LINGO2: variants seen among roughly 807,000 people sequenced by gnomAD.
The protein encoded by LINGO2 is leucine-rich repeat and immunoglobulin-like domain-containing nogo receptor-interacting protein 2.
Under a neutral mutation model 30.6 loss-of-function variants are expected in LINGO2, and 14 were observed. The observed-to-expected ratio is 0.46, with a 90% CI of 0.30 to 0.72. The LOEUF (loss-of-function observed/expected upper bound fraction) is 0.72, where lower values mean the gene tolerates loss of function less well. LINGO2 is among the 30% of genes least tolerant of loss of function. The probability of loss-of-function intolerance (pLI) is 0.07; values close to 1 mark genes in which losing one functional copy is unlikely to be tolerated. For synonymous variants in LINGO2, 317 were observed against 288.5 expected (o/e 1.10, Z -1.00); for missense variants, 729 against 751.7 (o/e 0.97, Z 0.35).
the LINGO2 span, among the ~76,000 whole-genome samples, chr9:29,092,698 ATTTCTGT>A: frequency 3.6e-5 from 5 of 137,424 alleles, 1 homozygote; most frequent in Admixed American, 7.5e-5. Context: ...CCAACAGAGC[ATTTCTGT>A]TAGCATTTAA....
chr9:28,226,639 GAAGGAAAGAAAGAAAGAA>G (rs1821162851), intron 4 of LINGO2, among the ~76,000 whole-genome samples: 2 of 54,886 alleles, frequency 3.6e-5, no homozygotes, highest in South Asian at 8.7e-4. Context: ...AAGAAGGAAA[GAAGGAAAGAAAGAAAGAA>G]AGAAAGAAAG....
At chr9:29,062,535 C>T in the LINGO2 span, among the ~76,000 whole-genome samples, 1 of 151,988 alleles carries the variant, frequency 6.6e-6, no homozygotes, top group East Asian at 1.9e-4. Flanking sequence ...TGACATGTGG[C>T]AACAGGATGA....
the LINGO2 span, among the ~76,000 whole-genome samples, chr9:28,937,144 C>A: frequency 6.6e-6 from 1 of 152,082 alleles, no homozygotes; most frequent in Non-Finnish European, 1.5e-5. Flanking sequence ...CCATAATCTA[C>A]CCTCTGGTCC....
At chr9:28,777,339 C>G in the LINGO2 span, among the ~76,000 whole-genome samples, 3 of 152,126 alleles carry the variant, frequency 2.0e-5, no homozygotes, top group African/African-American at 7.2e-5. Context: ...AACAATACCT[C>G]TAAAACTGAA....
rs61645981 is a variant in LINGO2, at chr9:28,319,637, G to T, written c.-245-24271C>A. Among the ~76,000 whole-genome samples the T allele has an allele frequency of 0.014, 2,168 of 152,152 alleles. 93 individuals are homozygous for T. In the East Asian group the frequency reaches 0.15, roughly 11 times the overall value. On this transcript the variant is annotated intron_variant, in intron 3 of 5. Coordinates refer to ENST00000379992, the Ensembl canonical transcript of LINGO2. ...AAGTGTTACATACTGTATGATTCCT[G>T]TTATATGACATTTGGAAAAGACAAA...
At chr9:29,021,677 AAAGAAAGG>A in the LINGO2 span, among the ~76,000 whole-genome samples, 3,356 of 117,044 alleles carry the variant, frequency 0.029, 104 homozygotes, top group South Asian at 0.04. Flanking sequence ...AGAAGAAAGA[AAAGAAAGG>A]AAGGAAGGAA....
At chr9:28,409,896 G>T (rs1364432190) in intron 2 of LINGO2, among the ~76,000 whole-genome samples, 1 of 142,572 alleles carries the variant, frequency 7.0e-6, no homozygotes, top group Non-Finnish European at 1.5e-5. Flanking sequence ...AAGGCAGGGA[G>T]GGTGTGAGGG....
chr9:28,509,853 T>C (rs1820299575), intron 1 of LINGO2, among the ~76,000 whole-genome samples: 1 of 152,232 alleles, frequency 6.6e-6, no homozygotes. Flanking sequence ...TGCAGACTAA[T>C]ACATGTATAG....
the LINGO2 span, among the ~76,000 whole-genome samples, chr9:28,687,618 A>G: frequency 6.6e-6 from 1 of 152,058 alleles, no homozygotes; most frequent in East Asian, 1.9e-4. Context: ...TCTCTCTCAG[A>G]TCTGTCTTAC....
chr9:28,246,196 C>T (rs555816224), intron 4 of LINGO2, among the ~76,000 whole-genome samples: 176 of 152,166 alleles, frequency 1.2e-3, no homozygotes, highest in African/African-American at 3.4e-3. Flanking sequence ...AATGCTGAGG[C>T]AGGTGGATCA....
At chr9:28,778,051 A>G in the LINGO2 span, among the ~76,000 whole-genome samples, 1 of 152,136 alleles carries the variant, frequency 6.6e-6, no homozygotes, top group African/African-American at 2.4e-5. Flanking sequence ...TGATAGTGGC[A>G]TAGAAGCATT....
intron 3 of LINGO2, among the ~76,000 whole-genome samples, chr9:28,372,119 A>G (rs779662010): frequency 4.6e-5 from 7 of 152,190 alleles, no homozygotes; most frequent in Non-Finnish European, 8.8e-5. Context: ...TATTAATATT[A>G]AATGTTAATA....
At chr9:29,203,028 A>C in the LINGO2 span, among the ~76,000 whole-genome samples, 8 of 152,096 alleles carry the variant, frequency 5.3e-5, no homozygotes, top group Non-Finnish European at 1.5e-5. Context: ...ATTTTTACTG[A>C]GTTTATGCAG....
chr9:28,835,667 C>G, the LINGO2 span, among the ~76,000 whole-genome samples: 1 of 152,170 alleles, frequency 6.6e-6, no homozygotes, highest in Non-Finnish European at 1.5e-5. Context: ...ACAAGCAAGT[C>G]CTATTTTGCC....
At chr9:28,639,732 T>A (rs1827478427) in intron 1 of LINGO2, among the ~76,000 whole-genome samples, 1 of 152,170 alleles carries the variant, frequency 6.6e-6, no homozygotes, top group East Asian at 1.9e-4. Context: ...GTGAGGTGGG[T>A]CTCCTGAATA....
chr9:29,175,666 G>T, the LINGO2 span, among the ~76,000 whole-genome samples: 1 of 151,340 alleles, frequency 6.6e-6, no homozygotes, highest in African/African-American at 2.4e-5. Flanking sequence ...AGCTGGGATT[G>T]CAGGCACACA....
intron 4 of LINGO2, among the ~76,000 whole-genome samples, chr9:28,052,288 G>A (rs1824713201): frequency 6.6e-6 from 1 of 152,100 alleles, no homozygotes; most frequent in African/African-American, 2.4e-5. Context: ...CGTGAGAATG[G>A]CAATTTAAAG....
chr9:28,284,931 C>CA (rs1823453642), intron 4 of LINGO2, among the ~76,000 whole-genome samples: 2 of 152,246 alleles, frequency 1.3e-5, no homozygotes, highest in South Asian at 4.1e-4. Flanking sequence ...GACCATAACT[C>CA]ATAGAACTGC....
At chr9:28,159,513 A>G (rs574733205) in intron 4 of LINGO2, among the ~76,000 whole-genome samples, 10 of 152,280 alleles carry the variant, frequency 6.6e-5, no homozygotes, top group African/African-American at 2.4e-4. Context: ...ATGTTTTGAT[A>G]TGTACTTACA....
Sources: gnomAD v4.1 joint callset for allele counts (sites outside exome capture counted in the v4.1 genomes callset) on GRCh38, gnomAD v4.1.1 for gene constraint, MANE v1.5 for transcripts, NCBI Gene and HGNC (gene_info 2026-07-23, HGNC 2026-07-21) for gene names.